Variants in SGK1 observed in about 807,000 individuals in gnomAD.
The protein encoded by SGK1 is serum/glucocorticoid regulated kinase 1, also known as serine/threonine-protein kinase Sgk1.
Under a neutral mutation model 64.2 loss-of-function variants are expected in SGK1, and 26 were observed. The ratio of observed to expected loss-of-function variants is 0.40; its 90% CI spans 0.30 to 0.56. The LOEUF (loss-of-function observed/expected upper bound fraction) is 0.56, where lower values mean the gene tolerates loss of function less well. Ranked by LOEUF, SGK1 falls within the 20% of genes least tolerant of loss-of-function variation. The pLI, the probability that SGK1 is intolerant of heterozygous loss-of-function variation, is 0.38. For missense variants in SGK1, 519 were observed against 645.6 expected (o/e 0.80, Z 2.12); for synonymous variants, 265 against 239.7 (o/e 1.11, Z -0.98).
chr6:134,248,445 C>CT (rs34315643), intron 2 of SGK1, among the ~76,000 whole-genome samples: 1,786 of 103,028 alleles, frequency 0.017, 37 homozygotes, highest in Admixed American at 0.037. Context: ...TCTCCTCCGC[C>CT]TTTTTTTTTT....
intron 1 of SGK1, among the ~76,000 whole-genome samples, chr6:134,264,194 A>G (rs1423357931): frequency 6.7e-6 from 1 of 149,266 alleles, no homozygotes; most frequent in Non-Finnish European, 1.5e-5. Context: ...ATCTCAGCTC[A>G]CTGCAAGCTC....
chr6:134,207,197 A>G (rs574080977), intron 3 of SGK1, among the ~76,000 whole-genome samples, 159 bp downstream of exon 3: 169 of 152,076 alleles, frequency 1.1e-3, no homozygotes, highest in African/African-American at 3.0e-3. Flanking sequence ...CTGCCCTCCA[A>G]CCTGGGCAAC....
At chr6:134,311,751 G>T (rs1006885180) in intron 1 of SGK1, among the ~76,000 whole-genome samples, 2 of 152,176 alleles carry the variant, frequency 1.3e-5, no homozygotes, top group African/African-American at 4.8e-5. Context: ...GTGCTGTGTT[G>T]TGGGCGCAGG....
At chr6:134,267,676 G>T (rs1337371492) in intron 1 of SGK1, among the ~76,000 whole-genome samples, 2 of 152,096 alleles carry the variant, frequency 1.3e-5, no homozygotes, top group Non-Finnish European at 2.9e-5. Flanking sequence ...GCATATGAAT[G>T]ATCAGGATCA....
chr6:134,175,528 C>G, intron 3 of SGK1: 6 of 1,471,354 alleles, frequency 4.1e-6, no homozygotes, highest in African/African-American at 1.5e-5. Flanking sequence ...CCAGCGGGGC[C>G]GGCGGCGGCG....
At chr6:134,240,788 G>T (rs1048954002) in intron 2 of SGK1, among the ~76,000 whole-genome samples, 2 of 152,152 alleles carry the variant, frequency 1.3e-5, no homozygotes, top group African/African-American at 4.8e-5. Context: ...ATTACATCAG[G>T]CACCAAGATT....
chr6:134,207,418 C>A lies in SGK1; in HGVS notation c.299G>T (p.Cys100Phe). The A allele has an allele frequency of 3.7e-6, 6 of 1,609,942 alleles. No individual in the cohort carries two copies. The highest frequency in any genetic ancestry group is 5.1e-6 in the Non-Finnish European group (6 of 1,176,432). The change falls in exon 3 of 14, where the codon TGT (cysteine) becomes TTT (phenylalanine). Residue 100 changes from cysteine to phenylalanine, a missense_variant. This residue lies in a region of SGK1 where 241 missense variants were observed against 236.9 expected (regional missense o/e 1.02). Transcript: ENST00000367858. The part of the protein sequence containing the change: ...TQSGCEVREP[C>F]NHANILTKPD... The stretch of plus-strand genomic sequence containing the variant: ...CTTGGTCAGGATGTTGGCATGATTA[C>A]ATGGCTCTCTCACCTTTAAAACATA...
intron 3 of SGK1, among the ~76,000 whole-genome samples, chr6:134,200,818 C>T (rs1343064601): frequency 6.6e-6 from 1 of 151,892 alleles, no homozygotes; most frequent in Admixed American, 6.6e-5. Flanking sequence ...GCAGGAGGAT[C>T]GCTTGAGCCC....
Position 134,208,771 on chromosome 6 carries a change from T to C in SGK1, c.286-1340A>G, listed in dbSNP as rs1049200460. ...GTATATATATATATACACATATATATGTGTATATATAGATATACACACACA... is the reference window on the plus strand; with the variant it reads ...GTATATATATATATACACATATATACGTGTATATATAGATATACACACACA... On this transcript the variant is annotated intron_variant, in intron 2 of 13. Coordinates refer to ENST00000367858, the MANE Select transcript of SGK1 (RefSeq NM_001143676.3). Among the ~76,000 whole-genome samples, 8 of 22,032 alleles carry C rather than the reference T, an allele frequency of 3.6e-4. No individual in the cohort carries two copies. The East Asian group carries it at 7.4e-3, about 20-fold the overall frequency. The allele number at this position is 22,032 out of a possible 152,430, so 14.5% of individuals were successfully genotyped here.
chr6:134,312,970 A>T (rs764647677), intron 1 of SGK1, among the ~76,000 whole-genome samples: 2 of 152,090 alleles, frequency 1.3e-5, no homozygotes, highest in African/African-American at 4.8e-5. Context: ...ACAGGGTTTC[A>T]CCACGTTGGC....
In SGK1 at chr6:134,199,669, A is replaced by AAT. The variant is rs1034769012; in HGVS notation, c.361+7685_361+7686dup. 4.6e-5 allele frequency among the ~76,000 whole-genome samples: 7 copies of AAT among 151,168 alleles called. No homozygotes were observed. The East Asian group carries it at 5.8e-4, about 13-fold the overall frequency. The stretch of plus-strand genomic sequence containing the variant: ...AGAAAGAAAAATAAATGTAGAAAAA[A>AAT]ATATATATATATATGAACAACGCAT... On this transcript the variant is annotated intron_variant, in intron 3 of 13. Coordinates refer to ENST00000367858, the MANE Select transcript of SGK1 (RefSeq NM_001143676.3).
Position 134,170,226 on chromosome 6 carries a change from G to A in SGK1, c.*42C>T, listed in dbSNP as rs1774967645. On this transcript the variant is annotated 3_prime_UTR_variant, in exon 14 of 14. Coordinates refer to ENST00000367858, the MANE Select transcript of SGK1 (RefSeq NM_001143676.3). ...ACCAAAAGGCTAACTAAAACATTCG[G>A]AAACACACATAAAATCCTTTAAAAC... The A allele has an allele frequency of 2.6e-6, 4 of 1,534,422 alleles. No individual in the cohort carries two copies. The highest frequency in any genetic ancestry group is 2.7e-6 in the Non-Finnish European group (3 of 1,126,830).
chr6:134,182,782 C>G (rs1775350504), intron 3 of SGK1, among the ~76,000 whole-genome samples: 1 of 152,218 alleles, frequency 6.6e-6, no homozygotes, highest in African/African-American at 2.4e-5. Context: ...AATCCAACCT[C>G]CCCCTCCTCC....
At position 134,289,636 on chromosome 6, in the gene SGK1, A is replaced by G. The variant is rs987809348; in HGVS notation, c.70-27488T>C. 2.6e-5 allele frequency among the ~76,000 whole-genome samples: 4 copies of G among 152,168 alleles called. No individual in the cohort carries two copies. The East Asian group carries it at 7.7e-4, about 29-fold the overall frequency. ...TTCCATACTGTGTTTAAAATCTGGT[A>G]TGTATTTTACATCTAAAGTACATCT... On this transcript the variant is annotated intron_variant, in intron 1 of 13. Coordinates refer to ENST00000367858, the MANE Select transcript of SGK1 (RefSeq NM_001143676.3).
chr6:134,197,149 C>T (rs1462401467), intron 3 of SGK1, among the ~76,000 whole-genome samples: 1 of 152,128 alleles, frequency 6.6e-6, no homozygotes, highest in East Asian at 1.9e-4. Context: ...AAGAGGATCG[C>T]TTGAACCTGG....
At chr6:134,267,494 TGTTGCCC>T (rs1562269648) in intron 1 of SGK1, among the ~76,000 whole-genome samples, 5 of 152,178 alleles carry the variant, frequency 3.3e-5, no homozygotes, top group African/African-American at 1.2e-4. Context: ...TGTCTCATTA[TGTTGCCC>T]AGGCTGGTCT....
intron 1 of SGK1, among the ~76,000 whole-genome samples, chr6:134,307,512 C>T (rs1035643139): frequency 1.3e-5 from 2 of 152,184 alleles, no homozygotes; most frequent in Admixed American, 6.6e-5. Context: ...TGCTCAACCC[C>T]CTGATATAAA....
intron 3 of SGK1, among the ~76,000 whole-genome samples, chr6:134,177,244 A>C (rs1775258079): frequency 6.6e-6 from 1 of 152,140 alleles, no homozygotes; most frequent in African/African-American, 2.4e-5. Flanking sequence ...ACAAAACAAA[A>C]ACAAAAACAA....
At chr6:134,261,762 T>A (rs1349560460) in intron 2 of SGK1, 171 bp downstream of exon 2, 1 of 640,666 alleles carries the variant, frequency 1.6e-6, no homozygotes, top group East Asian at 2.7e-5. Flanking sequence ...AAGCCTACTT[T>A]AAAAAAATAA....
Sources: allele counts gnomAD v4.1 joint callset (sites outside exome capture counted in the v4.1 genomes callset), GRCh38; gene constraint gnomAD v4.1.1; regional missense constraint gnomAD v4.1.1; transcripts MANE v1.5; gene names NCBI Gene and HGNC (gene_info 2026-07-23, HGNC 2026-07-21).